The following SPSB4 variants were observed in gnomAD, a reference collection of about 807,000 sequenced individuals.
The protein encoded by SPSB4 is SPRY domain-containing SOCS box protein 4.
A neutral mutation model predicts 20.9 loss-of-function variants in SPSB4; 21 were observed. The ratio of observed to expected loss-of-function variants is 1.01; its 90% CI spans 0.71 to 1.45. The LOEUF is 1.45. SPSB4 is among the 40% of genes most tolerant of loss of function. SPSB4 has a pLI of 0.00. For synonymous variants in SPSB4, 207 were observed against 183.8 expected (o/e 1.13, Z -1.02); for missense variants, 399 against 399.2 (o/e 1.00, Z 0.00).
At chr3:141,092,320 G>C (rs1425495345) in intron 2 of SPSB4, among the ~76,000 whole-genome samples, 1 of 152,178 alleles carries the variant, frequency 6.6e-6, no homozygotes, top group East Asian at 1.9e-4. Context: ...ATTATTATTA[G>C]CATTAGCATT....
intron 2 of SPSB4, among the ~76,000 whole-genome samples, chr3:141,116,257 AGTCCAT>A (rs1938878426): frequency 6.6e-6 from 1 of 152,178 alleles, no homozygotes; most frequent in East Asian, 1.9e-4. Flanking sequence ...CCCCTTGTGG[AGTCCAT>A]GTCAGCTCCC....
intron 1 of SPSB4, among the ~76,000 whole-genome samples, chr3:141,062,145 G>T (rs550664813): frequency 3.3e-5 from 5 of 152,140 alleles, no homozygotes; most frequent in Non-Finnish European, 7.3e-5. Flanking sequence ...CTTTGGTTCC[G>T]ATGACCTTGC....
chr3:141,133,724 C>T (rs1392971519), intron 2 of SPSB4, among the ~76,000 whole-genome samples: 1 of 152,054 alleles, frequency 6.6e-6, no homozygotes, highest in Non-Finnish European at 1.5e-5. Context: ...AATATGATGC[C>T]TCCAGATTTG....
At chr3:141,134,056 C>CTTTTTTTTTTT (rs1222303281) in intron 2 of SPSB4, among the ~76,000 whole-genome samples, 4 of 61,632 alleles carry the variant, frequency 6.5e-5, no homozygotes, top group Admixed American at 2.2e-4. Context: ...TTTCTTTTTT[C>CTTTTTTTTTTT]TTTTTTTTTT....
intron 2 of SPSB4, among the ~76,000 whole-genome samples, chr3:141,091,869 A>G (rs560661342): frequency 2.6e-5 from 4 of 151,102 alleles, no homozygotes; most frequent in African/African-American, 7.2e-5. Flanking sequence ...GGGCAGAGAG[A>G]CTTCCTTTTG....
At chr3:141,093,668 G>C (rs545326745) in intron 2 of SPSB4, among the ~76,000 whole-genome samples, 12 of 152,130 alleles carry the variant, frequency 7.9e-5, no homozygotes, top group Non-Finnish European at 1.5e-4. Flanking sequence ...GGCTGCCAAG[G>C]CTCAGCTGTG....
intron 2 of SPSB4, among the ~76,000 whole-genome samples, chr3:141,087,856 G>A (rs1241290467): frequency 1.3e-5 from 2 of 152,196 alleles, no homozygotes; most frequent in Admixed American, 6.5e-5. Flanking sequence ...GTCTGTGGTA[G>A]GGGTGGGGAG....
chr3:141,087,669 G>C (rs1035686412), intron 2 of SPSB4, among the ~76,000 whole-genome samples: 26 of 152,212 alleles, frequency 1.7e-4, no homozygotes, highest in Non-Finnish European at 1.9e-4. Context: ...AGGTTGCAAG[G>C]CCAGGGAGTG....
intron 2 of SPSB4, among the ~76,000 whole-genome samples, chr3:141,083,658 C>T (rs1938282321): frequency 6.6e-6 from 1 of 152,106 alleles, no homozygotes; most frequent in African/African-American, 2.4e-5. Context: ...CACTTCTCCA[C>T]CTGTCTAAAG....
intron 2 of SPSB4, among the ~76,000 whole-genome samples, chr3:141,072,391 T>A (rs1393305340): frequency 6.6e-6 from 1 of 151,958 alleles, no homozygotes; most frequent in Non-Finnish European, 1.5e-5. Flanking sequence ...AAGTTGGAGG[T>A]GGGGGTTGGT....
intron 2 of SPSB4, 26 bp from the exon 3 acceptor site, chr3:141,147,116 C>G: frequency 5.0e-6 from 8 of 1,613,148 alleles, no homozygotes; most frequent in Non-Finnish European, 6.8e-6. Context: ...ACAGGGCACA[C>G]TCTAACTGCT....
intron 2 of SPSB4, among the ~76,000 whole-genome samples, chr3:141,134,056 C>CTTTTTTTTTTTTTTTTTTTTCT (rs1222303281): frequency 1.6e-5 from 1 of 61,632 alleles, no homozygotes; most frequent in African/African-American, 7.1e-5. Context: ...TTTCTTTTTT[C>CTTTTTTTTTTTTTTTTTTTTCT]TTTTTTTTTT....
At chr3:141,128,920 T>A (rs1431095270) in intron 2 of SPSB4, among the ~76,000 whole-genome samples, 6 of 152,170 alleles carry the variant, frequency 3.9e-5, no homozygotes, top group Non-Finnish European at 8.8e-5. Flanking sequence ...ATCCTGTTTC[T>A]AGGGCTCCTT....
intron 1 of SPSB4, among the ~76,000 whole-genome samples, chr3:141,052,691 G>A (rs1415393439): frequency 6.6e-6 from 1 of 152,174 alleles, no homozygotes; most frequent in Non-Finnish European, 1.5e-5. Context: ...AGCGACTCAG[G>A]GACCAGTCCT....
intron 2 of SPSB4, among the ~76,000 whole-genome samples, chr3:141,146,586 TA>T (rs1939416233): frequency 6.6e-6 from 1 of 152,044 alleles, no homozygotes; most frequent in African/African-American, 2.4e-5. Context: ...CCATCCTGGC[TA>T]ACACAGTGAA....
At position 141,066,226 on chromosome 3, in the gene SPSB4, TGGACATGCCAGC is replaced by T; in HGVS notation, c.125_136del (p.Asp42_Ala45del). 1 of 1,555,618 alleles carries T rather than the reference TGGACATGCCAGC, an allele frequency of 6.4e-7. No homozygotes were observed. Among genetic ancestry groups the T allele is most frequent in the East Asian group, 2.5e-5 (1 of 40,532 alleles). On this transcript the variant is annotated inframe_deletion, in exon 2 of 3. Coordinates refer to ENST00000310546, the MANE Select transcript of SPSB4 (RefSeq NM_080862.3). ...CGGCCGGCGCGGCTGGACCAGCTGT[TGGACATGCCAGC>T]GGCGGGGCTGGCTGTGCAGCTGCGG...
At chr3:141,054,952 G>A (rs538397258) in intron 1 of SPSB4, among the ~76,000 whole-genome samples, 37 of 135,106 alleles carry the variant, frequency 2.7e-4, no homozygotes, top group South Asian at 1.0e-3. Flanking sequence ...GCAACAGAGC[G>A]AGACTCCGTC....
chr3:141,060,045 G>A (rs72978074), intron 1 of SPSB4, among the ~76,000 whole-genome samples: 1,743 of 152,312 alleles, frequency 0.011, 46 homozygotes, highest in African/African-American at 0.04. Context: ...TCTGCTGTGC[G>A]CCCTGTACTG....
intron 2 of SPSB4, among the ~76,000 whole-genome samples, chr3:141,130,784 A>G (rs1939118707): frequency 6.6e-6 from 1 of 152,180 alleles, no homozygotes; most frequent in Admixed American, 6.5e-5. Context: ...AACTTTCCCC[A>G]TTTTATTGAT....
Sources: allele counts gnomAD v4.1 joint callset (sites outside exome capture counted in the v4.1 genomes callset), GRCh38; gene constraint gnomAD v4.1.1; transcripts MANE v1.5; gene names NCBI Gene and HGNC (gene_info 2026-07-23, HGNC 2026-07-21).